TMEM117: variants seen among roughly 807,000 people sequenced by gnomAD.
TMEM117 encodes the protein transmembrane protein 117.
In TMEM117, 27 loss-of-function variants were observed where a neutral mutation model predicts 52.4. The observed-to-expected ratio is 0.51, with a 90% CI of 0.38 to 0.71. TMEM117 has a LOEUF of 0.71. TMEM117 is among the 30% of genes least tolerant of loss of function. The probability of loss-of-function intolerance (pLI) is 0.00; values close to 1 mark genes in which losing one functional copy is unlikely to be tolerated. For missense variants in TMEM117, 556 were observed against 630.5 expected (o/e 0.88, Z 1.26); for synonymous variants, 215 against 206.3 (o/e 1.04, Z -0.36).
At chr12:43,980,925 G>A (rs1269940966) in intron 3 of TMEM117, among the ~76,000 whole-genome samples, 1 of 152,182 alleles carries the variant, frequency 6.6e-6, no homozygotes, top group Non-Finnish European at 1.5e-5. Context: ...CCTGAGTAGA[G>A]AGCAGTCCTG....
At chr12:44,330,445 A>G (rs1398608363) in intron 6 of TMEM117, among the ~76,000 whole-genome samples, 6 of 152,076 alleles carry the variant, frequency 3.9e-5, no homozygotes, top group Non-Finnish European at 8.8e-5. Flanking sequence ...AACATGTAAC[A>G]TTAATTTTAA....
In TMEM117 at chr12:44,030,192, A is replaced by G. The variant is rs141001607; in HGVS notation, c.410+85850A>G. 7.6e-3 allele frequency among the ~76,000 whole-genome samples: 1,158 copies of G among 152,386 alleles called. 10 individuals carry two copies. Among genetic ancestry groups the G allele is most frequent in the African/African-American group, 0.026 (1,099 of 41,594 alleles). ...TAAAGATTATTGGTAAAATAAAAAT[A>G]TCTTCAAAAATGTAAACATTTGGTC... On this transcript the variant is annotated intron_variant, in intron 3 of 7. Coordinates refer to ENST00000266534, the MANE Select transcript of TMEM117 (RefSeq NM_032256.3).
At chr12:43,891,497 C>T (rs968976738) in intron 2 of TMEM117, among the ~76,000 whole-genome samples, 2 of 150,656 alleles carry the variant, frequency 1.3e-5, no homozygotes, top group East Asian at 2.0e-4. Context: ...CTCAGCCTCC[C>T]CAGTAGCTGG....
intron 2 of TMEM117, among the ~76,000 whole-genome samples, chr12:43,912,473 T>A (rs1242831252): frequency 6.8e-6 from 1 of 146,648 alleles, no homozygotes. Flanking sequence ...GTTGTGCACA[T>A]GTACCCTAAA....
At chr12:44,272,876 T>C (rs1486211538) in intron 5 of TMEM117, among the ~76,000 whole-genome samples, 1 of 152,184 alleles carries the variant, frequency 6.6e-6, no homozygotes, top group Non-Finnish European at 1.5e-5. Flanking sequence ...ACTGGGTATA[T>C]ACCCAAAGGA....
rs1177513410 is a variant in TMEM117 at position 44,311,805 on chromosome 12, GTATATATGTATATATATGTATATA to G, written c.768+12068_768+12091del. 7.0e-5 allele frequency among the ~76,000 whole-genome samples: 7 copies of G among 99,362 alleles called. No individual in the cohort carries two copies. The South Asian group carries it at 9.7e-4, about 14-fold the overall frequency. 65.2% of individuals were successfully genotyped at this position (99,362 alleles called of 152,430 possible). On this transcript the variant is annotated intron_variant, in intron 6 of 7. Coordinates refer to ENST00000266534, the MANE Select transcript of TMEM117 (RefSeq NM_032256.3). ...TATATATGTATATATATGTATATAT[GTATATATGTATATATATGTATATA>G]TGTATATATGTATATATATGTATAT...
chr12:44,206,375 T>G (rs573119172), intron 4 of TMEM117, among the ~76,000 whole-genome samples: 1 of 152,324 alleles, frequency 6.6e-6, no homozygotes, highest in South Asian at 2.1e-4. Context: ...ATAACCATCA[T>G]GAGCATGTCA....
At chr12:44,308,995 A>G (rs1422680489) in intron 6 of TMEM117, among the ~76,000 whole-genome samples, 1 of 152,206 alleles carries the variant, frequency 6.6e-6, no homozygotes, top group African/African-American at 2.4e-5. Context: ...TTAAGTTACA[A>G]TGATAAAGCT....
intron 5 of TMEM117, among the ~76,000 whole-genome samples, chr12:44,279,162 G>A (rs543314490): frequency 6.6e-6 from 1 of 152,120 alleles, no homozygotes; most frequent in African/African-American, 2.4e-5. Context: ...AAAGTCAAAA[G>A]CTATGACTGA....
At chr12:43,931,305 A>T (rs1458991825) in intron 2 of TMEM117, among the ~76,000 whole-genome samples, 1 of 152,234 alleles carries the variant, frequency 6.6e-6, no homozygotes, top group African/African-American at 2.4e-5. Flanking sequence ...AAGTAATTTA[A>T]ATGCATCCAA....
At position 44,149,295 on chromosome 12, in the gene TMEM117, T is replaced by C. The variant is rs547224313; in HGVS notation, c.510+5671T>C. Among the ~76,000 whole-genome samples the C allele has an allele frequency of 2.0e-4, 30 of 152,300 alleles. No homozygotes were observed. The East Asian group carries it at 5.6e-3, about 28-fold the overall frequency. ...AGCAAGAAGAGATTACTACGTAAGA[T>C]AGAAAATTGGTTAAATTTCAGTGGA... On this transcript the variant is annotated intron_variant, in intron 4 of 7. Coordinates refer to ENST00000266534, the MANE Select transcript of TMEM117 (RefSeq NM_032256.3).
At chr12:43,865,415 G>C (rs955825341) in intron 2 of TMEM117, among the ~76,000 whole-genome samples, 1 of 152,140 alleles carries the variant, frequency 6.6e-6, no homozygotes, top group African/African-American at 2.4e-5. Flanking sequence ...ATGTAGATTT[G>C]GCCAGGTATA....
In TMEM117 at chr12:43,856,061, C is replaced by T. The variant is rs569592359; in HGVS notation, c.277+11133C>T. On this transcript the variant is annotated intron_variant, in intron 2 of 7. Coordinates refer to ENST00000266534, the MANE Select transcript of TMEM117 (RefSeq NM_032256.3). ...TAAATAACCAACAAGTTATCATGGTCGTTGAGAGTATATTAAAACTGTATT... is the reference window on the plus strand; with the variant it reads ...TAAATAACCAACAAGTTATCATGGTTGTTGAGAGTATATTAAAACTGTATT... Among the ~76,000 whole-genome samples the T allele has an allele frequency of 2.6e-5, 4 of 152,216 alleles. No individual in the cohort carries two copies. In the East Asian group the frequency reaches 5.8e-4, roughly 22 times the overall value.
rs1429208131 is a variant in TMEM117, at chr12:43,844,749, A to G, written c.98A>G (p.Asp33Gly). ...IFFNFLIFAE[D>G]PVSHSQTEAN... is the part of the protein sequence containing the mutation. ...TTTAACTTCTTAATATTTGCGGAGG[A>G]CCCAGTTTCTCATAGCCAAACAGAA... Residue 33 changes from aspartate to glycine, a missense_variant, in exon 2 of 8, where the codon GAC becomes GGC. This residue lies in a region of TMEM117 where 328 missense variants were observed against 371.4 expected (regional missense o/e 0.88). Coordinates refer to ENST00000266534, the MANE Select transcript of TMEM117 (RefSeq NM_032256.3). The G allele has an allele frequency of 3.1e-6, 5 of 1,613,962 alleles. No individual in the cohort carries two copies. Among genetic ancestry groups the G allele is most frequent in the Non-Finnish European group, 4.2e-6 (5 of 1,180,022 alleles).
intron 3 of TMEM117, among the ~76,000 whole-genome samples, chr12:43,971,623 G>A (rs772839516): frequency 1.6e-4 from 25 of 152,060 alleles, no homozygotes; most frequent in African/African-American, 3.6e-4. Context: ...CTTTCCTAAC[G>A]CCTTAAGGTC....
chr12:43,951,999 A>G (rs1049315991), intron 3 of TMEM117, among the ~76,000 whole-genome samples: 2 of 152,180 alleles, frequency 1.3e-5, no homozygotes, highest in African/African-American at 4.8e-5. Flanking sequence ...AGGCGAACAG[A>G]GTCTGGAGTG....
intron 2 of TMEM117, among the ~76,000 whole-genome samples, chr12:43,901,685 A>G (rs1267465161): frequency 6.6e-6 from 1 of 152,226 alleles, no homozygotes; most frequent in Non-Finnish European, 1.5e-5. Context: ...TAGTGTACAC[A>G]ATAGAGCAGA....
chr12:43,906,279 A>C (rs867740626), intron 2 of TMEM117, among the ~76,000 whole-genome samples: 9 of 152,196 alleles, frequency 5.9e-5, no homozygotes, highest in Middle Eastern at 6.8e-3. Flanking sequence ...CCTGGCCAAC[A>C]TGGTGAAACC....
intron 4 of TMEM117, among the ~76,000 whole-genome samples, chr12:44,158,648 A>T (rs1486658206): frequency 2.0e-5 from 3 of 152,194 alleles, no homozygotes; most frequent in Non-Finnish European, 4.4e-5. Context: ...GCATCTTAAA[A>T]AATTTAATCA....
Sources: allele counts gnomAD v4.1 joint callset (sites outside exome capture counted in the v4.1 genomes callset), GRCh38; gene constraint gnomAD v4.1.1; regional missense constraint gnomAD v4.1.1; transcripts MANE v1.5; gene names NCBI Gene and HGNC (gene_info 2026-07-23, HGNC 2026-07-21).